Variants in UFD1 observed in about 807,000 individuals in gnomAD.
UFD1 encodes the protein ubiquitin recognition factor in ER-associated degradation protein 1.
A neutral mutation model predicts 45.9 loss-of-function variants in UFD1; 13 were observed. The ratio of observed to expected loss-of-function variants is 0.28; its 90% confidence interval spans 0.18 to 0.45. The LOEUF (loss-of-function observed/expected upper bound fraction) is 0.45, where lower values mean the gene tolerates loss of function less well. Ranked by LOEUF, UFD1 falls within the 20% of genes least tolerant of loss-of-function variation. UFD1 has a pLI of 1.00. For missense variants in UFD1, 218 were observed against 389.2 expected (o/e 0.56, Z 3.70); for synonymous variants, 128 against 139.2 (o/e 0.92, Z 0.56).
intron 6 of UFD1, among the ~76,000 whole-genome samples, chr22:19,464,463 C>T (rs904966767): frequency 2.0e-5 from 3 of 152,258 alleles, no homozygotes; most frequent in Non-Finnish European, 1.5e-5. Flanking sequence ...CCAACTATTA[C>T]ATCCTCCTGC....
chr22:19,478,354 A>G (rs371646831), intron 1 of UFD1, among the ~76,000 whole-genome samples: 9 of 152,244 alleles, frequency 5.9e-5, no homozygotes, highest in Non-Finnish European at 8.8e-5. Context: ...ACAGGAAGAC[A>G]ATACCGTAGA....
intron 6 of UFD1, among the ~76,000 whole-genome samples, chr22:19,460,212 G>C (rs1441531543): frequency 6.6e-6 from 1 of 152,062 alleles, no homozygotes; most frequent in Admixed American, 6.6e-5. Flanking sequence ...CTGAGCATCC[G>C]GCCTGTTTCC....
intron 6 of UFD1, 71 bp downstream of exon 6, chr22:19,465,131 C>A: frequency 1.4e-6 from 2 of 1,398,986 alleles, no homozygotes; most frequent in Non-Finnish European, 2.0e-6. Context: ...TAAAAAGAAG[C>A]CCCATTCAAA....
intron 4 of UFD1, among the ~76,000 whole-genome samples, chr22:19,470,315 C>A (rs565270263): frequency 6.6e-6 from 1 of 152,316 alleles, no homozygotes; most frequent in South Asian, 2.1e-4. Context: ...CGGGGAGACA[C>A]TGGCCAGGCC....
chr22:19,465,171 G>A (rs547542976), intron 6 of UFD1, 31 bp downstream of exon 6: 19 of 1,608,926 alleles, frequency 1.2e-5, no homozygotes, highest in Admixed American at 5.0e-5. Context: ...GGTGGCTCTT[G>A]TCAGGAATGA....
In UFD1 at chr22:19,479,121, G is replaced by A. The variant is rs1023681941; in HGVS notation, c.-36C>T. ...ACCTGGCAGACTCCGCTCCTCTCAG[G>A]CAATGCAACGAAGAAACCCCGCCGA... On this transcript the variant is annotated 5_prime_UTR_variant, in exon 1 of 12. Coordinates refer to ENST00000263202, the MANE Select transcript of UFD1 (RefSeq NM_005659.7). 6.2e-6 allele frequency: 10 copies of A among 1,609,568 alleles called. No individual in the cohort carries two copies. The highest frequency in any genetic ancestry group is 1.7e-5 in the Admixed American group (1 of 59,648).
chr22:19,459,914 T>G (rs2089753452), intron 6 of UFD1, among the ~76,000 whole-genome samples: 1 of 151,668 alleles, frequency 6.6e-6, no homozygotes, highest in Admixed American at 6.6e-5. Flanking sequence ...AATTTTTGTG[T>G]TTTTAGTAGA....
At chr22:19,478,562 AC>A (rs59151193) in intron 1 of UFD1, among the ~76,000 whole-genome samples, 1 of 146,650 alleles carries the variant, frequency 6.8e-6, no homozygotes, top group African/African-American at 2.8e-5. Flanking sequence ...CAGGAAATGT[AC>A]CAGCAGGTAT....
intron 11 of UFD1, chr22:19,454,397 A>G: frequency 1.2e-6 from 1 of 869,562 alleles, no homozygotes; most frequent in Non-Finnish European, 1.4e-6. Context: ...GAGGTAACTG[A>G]GTCATGAGGG....
intron 2 of UFD1, 60 bp downstream of exon 2, chr22:19,475,410 C>T (rs2089874252): frequency 6.2e-7 from 1 of 1,604,828 alleles, no homozygotes; most frequent in Non-Finnish European, 8.5e-7. Flanking sequence ...CTGTTGAAGG[C>T]TACAGCATTG....
chr22:19,459,356 T>TGTAATCCCA (rs1186676387), intron 6 of UFD1, among the ~76,000 whole-genome samples: 10 of 152,204 alleles, frequency 6.6e-5, no homozygotes, highest in African/African-American at 2.4e-4. Flanking sequence ...GGCTCACGCC[T>TGTAATCCCA]GTAATCCCAG....
chr22:19,454,758 C>A lies in UFD1; in HGVS notation c.840G>T (p.Lys280Asn). The A allele has an allele frequency of 6.2e-7, 1 of 1,614,088 alleles. No homozygotes were observed. The highest frequency in any genetic ancestry group is 8.5e-7 in the Non-Finnish European group (1 of 1,180,000). Residue 280 changes from lysine (K) to asparagine (N), a missense_variant, in exon 11 of 12, where the codon AAG (lysine) becomes AAT (asparagine). Around this residue, in one of 2 missense-constraint regions of UFD1, gnomAD observed 69 missense variants for 81.7 expected, o/e 0.84. Coordinates refer to ENST00000263202, the MANE Select transcript of UFD1 (RefSeq NM_005659.7). ...FIRNSRPLVKKVEEDEAGGRF... is the reference protein window; with the variant it reads ...FIRNSRPLVKNVEEDEAGGRF... ...AAGGAAATACACTCACCTCTTCAACCTTTTTGACAAGGGGACGTGAATTTC... is the reference window on the plus strand; with the variant it reads ...AAGGAAATACACTCACCTCTTCAACATTTTTGACAAGGGGACGTGAATTTC...
At chr22:19,454,854 GA>G in intron 10 of UFD1, 24 bp from the exon 11 acceptor site, 1 of 1,603,082 alleles carries the variant, frequency 6.2e-7, no homozygotes, top group Non-Finnish European at 8.5e-7. Context: ...CAGAGACAGA[GA>G]AATGTTATTT....
At chr22:19,474,993 C>T (rs899127664) in intron 3 of UFD1, 75 bp downstream of exon 3, 2 of 1,419,100 alleles carry the variant, frequency 1.4e-6, no homozygotes, top group Non-Finnish European at 9.7e-7. Flanking sequence ...TCTGGATGTA[C>T]TGAGGAGCCC....
intron 1 of UFD1, among the ~76,000 whole-genome samples, chr22:19,475,945 C>T (rs895344016): frequency 6.6e-6 from 1 of 152,166 alleles, no homozygotes; most frequent in African/African-American, 2.4e-5. Context: ...TTAATTGAAA[C>T]ATCTCTTTAT....
intron 11 of UFD1, chr22:19,451,776 T>C (rs2089684765): frequency 1.6e-5 from 16 of 985,496 alleles, no homozygotes; most frequent in Non-Finnish European, 1.8e-5. Flanking sequence ...CTGGTGTCAA[T>C]AGCTGTGTTT....
At position 19,451,120 on chromosome 22, in the gene UFD1, CAAAAAAA is replaced by C. The variant is rs34076964; in HGVS notation, c.850-383_850-377del. On this transcript the variant is annotated intron_variant, in intron 11 of 11. Coordinates refer to ENST00000263202, the MANE Select transcript of UFD1 (RefSeq NM_005659.7). ...AGAGCAACAGAGCAAGACCCTGCCT[CAAAAAAA>C]AAAAAAAAAAAAAAAGTCTGTAAGT... 2.0e-3 allele frequency: 1,713 copies of C among 864,308 alleles called. 23 individuals are homozygous for C. The African/African-American group carries it at 0.043, about 22-fold the overall frequency. The allele number at this position is 864,308 out of a possible 1,614,324, so 53.5% of individuals were successfully genotyped here.
chr22:19,477,955 G>C (rs538446785), intron 1 of UFD1, among the ~76,000 whole-genome samples: 1 of 152,224 alleles, frequency 6.6e-6, no homozygotes, highest in African/African-American at 2.4e-5. Context: ...CTAAATCTTG[G>C]CCAGAACCAT....
chr22:19,455,816 G>C, intron 9 of UFD1, 48 bp from the exon 10 acceptor site: 1 of 1,549,202 alleles, frequency 6.5e-7, no homozygotes, highest in Non-Finnish European at 8.9e-7. Context: ...GTGTGAGGAC[G>C]ATATGTCCTT....
Sources: allele counts gnomAD v4.1 joint callset (sites outside exome capture counted in the v4.1 genomes callset), GRCh38; gene constraint gnomAD v4.1.1; regional missense constraint gnomAD v4.1.1; transcripts MANE v1.5; gene names NCBI Gene and HGNC (gene_info 2026-07-23, HGNC 2026-07-21).